Variants in SCHIP1 observed in about 807,000 individuals in gnomAD.
The protein encoded by SCHIP1 is schwannomin-interacting protein 1.
A neutral mutation model predicts 29.7 loss-of-function variants in SCHIP1; 8 were observed. That is an observed-to-expected ratio of 0.27 (90% CI 0.16 to 0.49). SCHIP1 has a LOEUF of 0.49. Ranked by LOEUF, SCHIP1 falls within the 20% of genes least tolerant of loss-of-function variation. The pLI is 0.99. For synonymous variants in SCHIP1, 76 were observed against 94.9 expected (o/e 0.80, Z 1.16); for missense variants, 193 against 294.6 (o/e 0.66, Z 2.52).
At chr3:159,282,492 A>G in the SCHIP1 span, among the ~76,000 whole-genome samples, 1 of 151,266 alleles carries the variant, frequency 6.6e-6, no homozygotes, top group East Asian at 2.0e-4. Context: ...TTTTTTGGAA[A>G]TAAAACCTAC....
At chr3:159,595,857 A>T in the SCHIP1 span, among the ~76,000 whole-genome samples, 31,906 of 152,130 alleles carry the variant, frequency 0.21, 9,135 homozygotes, top group African/African-American at 0.65. Flanking sequence ...AGGAACCCAG[A>T]TAGGTTTCAT....
chr3:159,739,523 T>A, the SCHIP1 span, among the ~76,000 whole-genome samples: 17 of 152,264 alleles, frequency 1.1e-4, no homozygotes, highest in African/African-American at 4.1e-4. Context: ...ATGAAACCTC[T>A]ATTCTATCTT....
chr3:159,666,041 G>A, the SCHIP1 span, among the ~76,000 whole-genome samples: 15 of 152,214 alleles, frequency 9.9e-5, no homozygotes, highest in South Asian at 2.1e-4. Flanking sequence ...AGAGGAATAC[G>A]TTTACCTGGG....
chr3:159,517,120 T>G, the SCHIP1 span, among the ~76,000 whole-genome samples: 16 of 152,180 alleles, frequency 1.1e-4, no homozygotes, highest in African/African-American at 3.9e-4. Context: ...ACAATGAGTA[T>G]TGGGCTACTC....
chr3:159,380,228 A>G, the SCHIP1 span, among the ~76,000 whole-genome samples: 15 of 152,346 alleles, frequency 9.8e-5, no homozygotes, highest in Non-Finnish European at 1.8e-4. Context: ...GGTGATTGAC[A>G]GCACAAATCC....
At chr3:159,570,756 A>G in the SCHIP1 span, among the ~76,000 whole-genome samples, 2 of 152,318 alleles carry the variant, frequency 1.3e-5, no homozygotes, top group South Asian at 2.1e-4. Context: ...TTTTCCCAAC[A>G]TTGATTCTTC....
the SCHIP1 span, among the ~76,000 whole-genome samples, chr3:159,625,637 T>C: frequency 6.6e-6 from 1 of 152,156 alleles, no homozygotes; most frequent in Non-Finnish European, 1.5e-5. Flanking sequence ...TCTTACACCA[T>C]GGAACTGGGC....
At chr3:159,624,040 C>A in the SCHIP1 span, among the ~76,000 whole-genome samples, 1 of 152,036 alleles carries the variant, frequency 6.6e-6, no homozygotes, top group Non-Finnish European at 1.5e-5. Flanking sequence ...AATCAAAGAA[C>A]AAATTGTTAC....
chr3:159,718,983 T>C, the SCHIP1 span, among the ~76,000 whole-genome samples: 2 of 152,134 alleles, frequency 1.3e-5, no homozygotes, highest in African/African-American at 4.8e-5. Flanking sequence ...CTTCAAACTA[T>C]ACTACAAGCC....
chr3:159,866,068 A>G, intron 1 of SCHIP1, 95 bp from the exon 3 acceptor site: 2 of 1,020,430 alleles, frequency 2.0e-6, no homozygotes, highest in Non-Finnish European at 3.0e-6. Context: ...TTTTCATCTA[A>G]TGTTACAGTT....
chr3:159,650,137 C>T, the SCHIP1 span, among the ~76,000 whole-genome samples: 1 of 152,162 alleles, frequency 6.6e-6, no homozygotes, highest in South Asian at 2.1e-4. Context: ...CTGGTATAAA[C>T]TATCCAGGAC....
At chr3:159,500,427 G>C in the SCHIP1 span, among the ~76,000 whole-genome samples, 1 of 152,072 alleles carries the variant, frequency 6.6e-6, no homozygotes, top group Admixed American at 6.6e-5. Flanking sequence ...AGAAAAAAGA[G>C]ACCAGGCTGG....
the SCHIP1 span, among the ~76,000 whole-genome samples, chr3:159,626,963 T>C: frequency 6.6e-6 from 1 of 152,176 alleles, no homozygotes; most frequent in African/African-American, 2.4e-5. Context: ...TTGCTGCAGC[T>C]ATCAACCCAT....
the SCHIP1 span, among the ~76,000 whole-genome samples, chr3:159,762,355 G>C: frequency 2.1e-4 from 32 of 152,302 alleles, no homozygotes; most frequent in Admixed American, 1.8e-3. Flanking sequence ...CCTAGCACAG[G>C]AGAGTCGTGC....
the SCHIP1 span, among the ~76,000 whole-genome samples, chr3:159,488,862 T>A: frequency 2.1e-3 from 321 of 152,340 alleles, 4 homozygotes; most frequent in African/African-American, 7.3e-3. Context: ...GCAGATCTTA[T>A]TAAAGTAATT....
At chr3:159,669,608 C>T in the SCHIP1 span, among the ~76,000 whole-genome samples, 1 of 152,224 alleles carries the variant, frequency 6.6e-6, no homozygotes, top group Non-Finnish European at 1.5e-5. Flanking sequence ...TCCCACCTCA[C>T]TCCAGGTCAC....
chr3:159,834,495 C>T, the SCHIP1 span, among the ~76,000 whole-genome samples: 5 of 152,144 alleles, frequency 3.3e-5, no homozygotes, highest in African/African-American at 1.2e-4. Context: ...ATGATAGGAG[C>T]TTGTTTCAAC....
chr3:159,809,036 T>A, the SCHIP1 span, among the ~76,000 whole-genome samples: 1 of 150,840 alleles, frequency 6.6e-6, no homozygotes, highest in African/African-American at 2.4e-5. Flanking sequence ...GTGCACAACA[T>A]GCAGGTTTGT....
the SCHIP1 span, chr3:159,768,709 A>G: frequency 1.3e-5 from 2 of 152,238 alleles, no homozygotes; most frequent in Admixed American, 6.5e-5. Flanking sequence ...GAAACACTCT[A>G]GTGACTGGAT....
Sources: gnomAD v4.1 joint callset for allele counts (sites outside exome capture counted in the v4.1 genomes callset) on GRCh38, gnomAD v4.1.1 for gene constraint, MANE v1.5 for transcripts, NCBI Gene and HGNC (gene_info 2026-07-23, HGNC 2026-07-21) for gene names.